The following LRRC37A2 variants were observed in gnomAD, a reference collection of about 807,000 sequenced individuals.
LRRC37A2 encodes the protein leucine-rich repeat-containing protein 37A2.
LRRC37A2 carries 9 observed loss-of-function variants against 68.8 expected under a neutral mutation model. That is an observed-to-expected ratio of 0.13 (90% CI 0.08 to 0.23). The LOEUF (loss-of-function observed/expected upper bound fraction) is 0.23. LRRC37A2 is among the 10% of genes least tolerant of loss of function. LRRC37A2 has a pLI of 1.00. For missense variants in LRRC37A2, 168 were observed against 950.4 expected (o/e 0.18, Z 10.82); for synonymous variants, 63 against 367.6 (o/e 0.17, Z 9.48).
chr17:46,859,712 C>T, the LRRC37A2 span, among the ~76,000 whole-genome samples: 2 of 152,222 alleles, frequency 1.3e-5, no homozygotes, highest in East Asian at 1.9e-4. Flanking sequence ...AGTAGTATCT[C>T]GTCAATATCC....
At chr17:46,859,453 T>C in the LRRC37A2 span, among the ~76,000 whole-genome samples, 113 of 152,372 alleles carry the variant, frequency 7.4e-4, no homozygotes, top group African/African-American at 2.6e-3. Context: ...TGATTCAATA[T>C]GTGTGGGCCT....
the LRRC37A2 span, among the ~76,000 whole-genome samples, chr17:47,044,610 T>C: frequency 1.6e-4 from 24 of 151,456 alleles, 1 homozygote; most frequent in South Asian, 1.7e-3. Flanking sequence ...CAACTACTGA[T>C]TCCAGATGAA....
At chr17:46,975,231 A>T in the LRRC37A2 span, 2 of 152,144 alleles carry the variant, frequency 1.3e-5, no homozygotes, top group Admixed American at 6.5e-5. Flanking sequence ...AGGTTGAGCT[A>T]CTTCTCCAAA....
At chr17:46,953,113 T>C in the LRRC37A2 span, among the ~76,000 whole-genome samples, 6 of 152,140 alleles carry the variant, frequency 3.9e-5, no homozygotes, top group African/African-American at 1.4e-4. Context: ...TTGTTACATA[T>C]GTATACATGT....
the LRRC37A2 span, among the ~76,000 whole-genome samples, chr17:46,951,374 A>G: frequency 2.6e-5 from 4 of 151,924 alleles, no homozygotes; most frequent in African/African-American, 9.7e-5. Flanking sequence ...TTACCCATCA[A>G]TTTCATCCTT....
At chr17:46,914,118 G>A in the LRRC37A2 span, among the ~76,000 whole-genome samples, 5 of 152,070 alleles carry the variant, frequency 3.3e-5, no homozygotes, top group African/African-American at 1.2e-4. Flanking sequence ...GAAAGTGCAG[G>A]GGGTGGCTGA....
At chr17:46,915,690 C>T in the LRRC37A2 span, among the ~76,000 whole-genome samples, 1 of 152,152 alleles carries the variant, frequency 6.6e-6, no homozygotes, top group African/African-American at 2.4e-5. Flanking sequence ...TGGGATCATC[C>T]CAGTTGGTTT....
rs1038187511 is a variant in LRRC37A2, at chr17:46,540,407, G to A, written c.2978+160G>A. Among the ~76,000 whole-genome samples, 9 of 125,180 alleles carry A rather than the reference G, an allele frequency of 7.2e-5. 2 individuals are homozygous for A. The highest frequency in any genetic ancestry group is 3.0e-4 in the African/African-American group (9 of 29,888). The allele number at this position is 125,180 out of a possible 152,430, so 82.1% of individuals were successfully genotyped here. A position where few individuals can be genotyped will look rare whatever the true frequency, so the allele number is the denominator to read the frequency against. On this transcript the variant is annotated intron_variant, in intron 7 of 14. Transcript: ENST00000576629. ...TGGCGAAGAAAAAAACTAAGAGGAT[G>A]TATAATGGTCAAGACAGCCAGCAGG...
chr17:46,715,483 T>C, the LRRC37A2 span, among the ~76,000 whole-genome samples: 3 of 152,244 alleles, frequency 2.0e-5, no homozygotes, highest in Non-Finnish European at 2.9e-5. Flanking sequence ...TCCTAAATCA[T>C]CTATTCCTGT....
chr17:46,762,772 C>T, the LRRC37A2 span: 2 of 151,968 alleles, frequency 1.3e-5, no homozygotes, highest in African/African-American at 4.8e-5. Flanking sequence ...CTGACTACGG[C>T]GAGAATCATT....
chr17:46,799,601 C>T, the LRRC37A2 span, among the ~76,000 whole-genome samples: 1 of 152,090 alleles, frequency 6.6e-6, no homozygotes, highest in African/African-American at 2.4e-5. Context: ...GTGTGCGCCA[C>T]CATGCCTGGC....
chr17:46,992,853 CAAAAAAAA>C, the LRRC37A2 span, among the ~76,000 whole-genome samples: 10 of 65,168 alleles, frequency 1.5e-4, no homozygotes, highest in Middle Eastern at 0.037. Context: ...AACTCCATCT[CAAAAAAAA>C]AAAAAAAAAA....
At chr17:46,750,090 T>A in the LRRC37A2 span, among the ~76,000 whole-genome samples, 1 of 152,194 alleles carries the variant, frequency 6.6e-6, no homozygotes. Context: ...CGGTGGCTTA[T>A]GCCTGTAATC....
chr17:46,550,741 G>A (rs1413471905), intron 11 of LRRC37A2, among the ~76,000 whole-genome samples: 1 of 124,758 alleles, frequency 8.0e-6, no homozygotes, highest in Non-Finnish European at 1.7e-5. Context: ...TTGAAACCAT[G>A]TGAATCCCAC....
At chr17:46,520,941 A>G (rs2052190090) in intron 4 of LRRC37A2, among the ~76,000 whole-genome samples, 1 of 81,466 alleles carries the variant, frequency 1.2e-5, no homozygotes, top group African/African-American at 3.6e-5. Context: ...GCTGAATTAT[A>G]TCAATATTAT....
At chr17:46,845,319 C>A in the LRRC37A2 span, among the ~76,000 whole-genome samples, 4 of 152,044 alleles carry the variant, frequency 2.6e-5, no homozygotes, top group South Asian at 8.3e-4. Context: ...CAGCCATCTC[C>A]TAGTCTCTAG....
the LRRC37A2 span, among the ~76,000 whole-genome samples, chr17:46,892,302 A>G: frequency 6.6e-6 from 1 of 151,926 alleles, no homozygotes; most frequent in South Asian, 2.1e-4. Flanking sequence ...CCCACCATCC[A>G]GCTTACCTTC....
At chr17:46,458,531 CTTTTTTTTTTTTTTT>C in the LRRC37A2 span, among the ~76,000 whole-genome samples, 1 of 39,936 alleles carries the variant, frequency 2.5e-5, no homozygotes, top group African/African-American at 9.7e-5. Context: ...TCTTCTTCTT[CTTTTTTTTTTTTTTT>C]TTTTTTTTTT....
At chr17:46,920,905 A>G in the LRRC37A2 span, among the ~76,000 whole-genome samples, 1 of 152,218 alleles carries the variant, frequency 6.6e-6, no homozygotes, top group Non-Finnish European at 1.5e-5. Flanking sequence ...GAGAGGGAAA[A>G]TAGCCATATC....
Sources: gnomAD v4.1 joint callset for allele counts (sites outside exome capture counted in the v4.1 genomes callset) on GRCh38, gnomAD v4.1.1 for gene constraint, MANE v1.5 for transcripts, NCBI Gene and HGNC (gene_info 2026-07-23, HGNC 2026-07-21) for gene names.